The following PBLD variants were observed in gnomAD, a reference collection of about 807,000 sequenced individuals.
The protein encoded by PBLD is phenazine biosynthesis-like domain-containing protein.
A neutral mutation model predicts 31.3 loss-of-function variants in PBLD; 26 were observed. The ratio of observed to expected loss-of-function variants is 0.83; its 90% confidence interval spans 0.61 to 1.15. The LOEUF (loss-of-function observed/expected upper bound fraction) is 1.15, where lower values mean the gene tolerates loss of function less well. PBLD is among the 50% of genes most tolerant of loss of function. The pLI is 0.00. For synonymous variants in PBLD, 114 were observed against 129.0 expected (o/e 0.88, Z 0.79); for missense variants, 307 against 351.7 (o/e 0.87, Z 1.02).
intron 1 of PBLD, among the ~76,000 whole-genome samples, chr10:68,324,522 C>T (rs1413832720): frequency 6.6e-6 from 1 of 151,978 alleles, no homozygotes; most frequent in African/African-American, 2.4e-5. Context: ...AATACCATTG[C>T]TCTAGTTTAA....
At chr10:68,314,574 A>G (rs2044711412) in intron 1 of PBLD, among the ~76,000 whole-genome samples, 1 of 151,830 alleles carries the variant, frequency 6.6e-6, no homozygotes, top group South Asian at 2.1e-4. Flanking sequence ...AATTCCCTGG[A>G]AGACCCCCAC....
intron 8 of PBLD, chr10:68,287,427 T>TG (rs1449599136): frequency 6.6e-6 from 1 of 152,250 alleles, no homozygotes; most frequent in Admixed American, 6.6e-5. Context: ...TGGATATGGT[T>TG]GGGCATTTTC....
intron 1 of PBLD, among the ~76,000 whole-genome samples, chr10:68,313,766 A>G (rs1386721452): frequency 1.3e-5 from 2 of 152,198 alleles, no homozygotes; most frequent in Non-Finnish European, 2.9e-5. Context: ...GATGCTTTCT[A>G]AATAAGAAAA....
At chr10:68,309,783 GT>G (rs2044638352) in intron 1 of PBLD, among the ~76,000 whole-genome samples, 1 of 145,794 alleles carries the variant, frequency 6.9e-6, no homozygotes, top group South Asian at 2.2e-4. Context: ...CTCCAGCCTG[GT>G]GACAGAGAGA....
At position 68,324,367 on chromosome 10, in the gene PBLD, A is replaced by G. The variant is rs544824420; in HGVS notation, c.-60+8417T>C. Among the ~76,000 whole-genome samples, 14 of 151,976 alleles carry G rather than the reference A, an allele frequency of 9.2e-5. 1 individual carries two copies. In the South Asian group the frequency reaches 2.9e-3, roughly 32 times the overall value. ...AATTTTTGTATTTTTTGTAGAGATG[A>G]GGTTTCACCATGTTGGCCAGGATGG... On this transcript the variant is annotated intron_variant, in intron 1 of 9. Coordinates refer to ENST00000358769, the MANE Select transcript of PBLD (RefSeq NM_022129.4).
At chr10:68,294,884 T>C (rs1282662889) in intron 4 of PBLD, among the ~76,000 whole-genome samples, 2 of 152,172 alleles carry the variant, frequency 1.3e-5, no homozygotes, top group Non-Finnish European at 2.9e-5. Flanking sequence ...CCCGCCACCA[T>C]GCTCAGCTAA....
chr10:68,288,847 G>A (rs1589647475), intron 7 of PBLD, 84 bp downstream of exon 7: 3 of 1,392,284 alleles, frequency 2.2e-6, no homozygotes, highest in East Asian at 4.6e-5. Context: ...GGTTTGACTG[G>A]ACACAGCACA....
At chr10:68,326,687 A>G (rs1195343745) in intron 1 of PBLD, among the ~76,000 whole-genome samples, 1 of 152,242 alleles carries the variant, frequency 6.6e-6, no homozygotes, top group East Asian at 1.9e-4. Flanking sequence ...TGGAACTAGA[A>G]TTAACATTAT....
Position 68,292,174 on chromosome 10 carries a change from CTCTGCTCG to C in PBLD, c.340_347del (p.Arg114GlyfsTer19). On this transcript the variant is annotated frameshift_variant, in exon 5 of 10. Coordinates refer to ENST00000358769, the MANE Select transcript of PBLD (RefSeq NM_022129.4). LOFTEE classifies it high-confidence loss of function. Reference sequence around the variant, plus strand: ...GAGGCAAGTCCAGGACGATGCCATCCTCTGCTCGTCTGGCCCTTAGTTCTCCACTCAGA... The same window carrying C: ...GAGGCAAGTCCAGGACGATGCCATCCTCTGGCCCTTAGTTCTCCACTCAGA... 1 of 1,613,866 alleles carries C rather than the reference CTCTGCTCG, an allele frequency of 6.2e-7. No homozygotes were observed. The highest frequency in any genetic ancestry group is 8.5e-7 in the Non-Finnish European group (1 of 1,180,020).
Position 68,283,766 on chromosome 10 carries a change from G to T in PBLD, c.*411C>A. The T allele has an allele frequency of 6.1e-6, 1 of 162,768 alleles. No individual in the cohort carries two copies. Among genetic ancestry groups the T allele is most frequent in the East Asian group, 1.8e-4 (1 of 5,700 alleles). 10.1% of individuals were successfully genotyped at this position (162,768 alleles called of 1,614,324 possible). On this transcript the variant is annotated 3_prime_UTR_variant, in exon 10 of 10. Coordinates refer to ENST00000358769, the MANE Select transcript of PBLD (RefSeq NM_022129.4). ...TTTTGTGTGTGTGTGTGTGTGTGTG[G>T]ATGGAGTCTTACTCTGTTGCCCAGG...
At chr10:68,301,524 A>G (rs1261879461) in intron 2 of PBLD, among the ~76,000 whole-genome samples, 2 of 152,206 alleles carry the variant, frequency 1.3e-5, no homozygotes, top group Non-Finnish European at 2.9e-5. Context: ...GTCTGCAATC[A>G]CAAGTCTCAG....
chr10:68,305,575 G>A (rs372014335), intron 2 of PBLD, among the ~76,000 whole-genome samples: 2 of 152,158 alleles, frequency 1.3e-5, no homozygotes, highest in Non-Finnish European at 2.9e-5. Flanking sequence ...CCAACATAAC[G>A]AAACCCCATC....
chr10:68,317,685 C>A (rs1301178852), intron 1 of PBLD, among the ~76,000 whole-genome samples: 1 of 151,986 alleles, frequency 6.6e-6, no homozygotes, highest in Admixed American at 6.6e-5. Flanking sequence ...GTAATCCCAG[C>A]TACTCAAGAG....
intron 4 of PBLD, among the ~76,000 whole-genome samples, chr10:68,293,028 T>C (rs1229677119): frequency 1.3e-5 from 2 of 152,136 alleles, no homozygotes; most frequent in East Asian, 1.9e-4. Context: ...GCCTGGATAA[T>C]TTTTAAATAT....
intron 1 of PBLD, among the ~76,000 whole-genome samples, chr10:68,327,418 G>A (rs1208186977): frequency 6.6e-6 from 1 of 151,766 alleles, no homozygotes; most frequent in African/African-American, 2.4e-5. Flanking sequence ...TGTGGCTCAC[G>A]CCTGTAATCC....
At chr10:68,298,943 A>G (rs1169014902) in intron 2 of PBLD, among the ~76,000 whole-genome samples, 2 of 151,902 alleles carry the variant, frequency 1.3e-5, no homozygotes, top group African/African-American at 2.4e-5. Flanking sequence ...CATCTCTACT[A>G]AAAATACAAA....
chr10:68,306,315 G>A (rs765702589), intron 2 of PBLD, among the ~76,000 whole-genome samples: 1 of 152,010 alleles, frequency 6.6e-6, no homozygotes, highest in Non-Finnish European at 1.5e-5. Context: ...CTTGCAAAAT[G>A]TCTCATTTTC....
chr10:68,287,682 C>T (rs1900018), intron 8 of PBLD: 113,441 of 152,154 alleles, frequency 0.75, 43,081 homozygotes, highest in Middle Eastern at 0.84. Context: ...TTTCTGCCCA[C>T]CTTTGACTCA....
intron 1 of PBLD, among the ~76,000 whole-genome samples, chr10:68,320,639 G>A (rs1377985966): frequency 6.6e-6 from 1 of 151,562 alleles, no homozygotes; most frequent in African/African-American, 2.4e-5. Flanking sequence ...TTTTTTATTT[G>A]TAATTTTTAT....
Sources: gnomAD v4.1 joint callset for allele counts (sites outside exome capture counted in the v4.1 genomes callset) on GRCh38, gnomAD v4.1.1 for gene constraint, MANE v1.5 for transcripts, NCBI Gene and HGNC (gene_info 2026-07-23, HGNC 2026-07-21) for gene names.